ERFL: variants seen among roughly 807,000 people sequenced by gnomAD.
ERFL encodes the protein ETS domain-containing transcription factor ERF-like.
A neutral mutation model predicts 27.9 loss-of-function variants in ERFL; 8 were observed. The ratio of observed to expected loss-of-function variants is 0.29; its 90% CI spans 0.17 to 0.52. ERFL has a LOEUF of 0.52. Among genes scored for constraint, ERFL ranks in the 20% least tolerant of loss-of-function variants. The pLI is 0.97. For missense variants in ERFL, 294 were observed against 444.4 expected (o/e 0.66, Z 3.04); for synonymous variants, 174 against 202.8 (o/e 0.86, Z 1.21).
Position 41,907,955 on chromosome 19 carries a change from C to T in ERFL, c.*273G>A, listed in dbSNP as rs904722977. On this transcript the variant is annotated 3_prime_UTR_variant, in exon 6 of 6. Coordinates refer to ENST00000597630, the MANE Select transcript of ERFL (RefSeq NM_001365103.2). ...GGGTGGGCGGGCGGGGCAGGCTGGG[C>T]GCCATATTGCACTTTGGGAGTGGGG... is the stretch of plus-strand genomic sequence containing the variant. 30 of 375,282 alleles carry T rather than the reference C, an allele frequency of 8.0e-5. No homozygotes were observed. The highest frequency in any genetic ancestry group is 1.9e-4 in the African/African-American group (9 of 48,026). The allele number at this position is 375,282 out of a possible 1,614,324, so 23.2% of individuals were successfully genotyped here. A position where few individuals can be genotyped will look rare whatever the true frequency, so the allele number is the denominator to read the frequency against.
rs533941699 is a variant in ERFL, at chr19:41,921,064, C to T, written c.-14+6976G>A. ...TGTCAGTTGAGGGGTGGCGAGGGAGCGTCCCCGGGGAGGTGGGAGCCGCAG... is the reference window on the plus strand; with the variant it reads ...TGTCAGTTGAGGGGTGGCGAGGGAGTGTCCCCGGGGAGGTGGGAGCCGCAG... On this transcript the variant is annotated intron_variant, in intron 1 of 5. Transcript: ENST00000597630. The surrounding 1 kb of genome is among the most constrained non-coding windows in gnomAD (Gnocchi z 4.4). Among the ~76,000 whole-genome samples the T allele has an allele frequency of 5.3e-5, 8 of 152,264 alleles. No individual in the cohort carries two copies. The highest frequency in any genetic ancestry group is 1.7e-4 in the African/African-American group (7 of 41,560).
Position 41,916,804 on chromosome 19 carries a change from A to T in ERFL, c.-13-3872T>A, listed in dbSNP as rs1555851986. On this transcript the variant is annotated intron_variant, in intron 1 of 5. Coordinates refer to ENST00000597630, the MANE Select transcript of ERFL (RefSeq NM_001365103.2). This position sits in a 1 kb window ranked among gnomAD's most constrained non-coding sequence, Gnocchi z 5.4. ...CCCATTCACAGACACAGTCACAATCACACACACACACCAAGATCACGGACC... is the reference window on the plus strand; with the variant it reads ...CCCATTCACAGACACAGTCACAATCTCACACACACACCAAGATCACGGACC... 6.6e-6 allele frequency among the ~76,000 whole-genome samples: 1 copy of T among 151,632 alleles called. No homozygotes were observed. The highest frequency in any genetic ancestry group is 1.5e-5 in the Non-Finnish European group (1 of 67,928).
chr19:41,917,763 CAGT>C lies in ERFL; in HGVS notation c.-13-4834_-13-4832del, dbSNP rs144032698. On this transcript the variant is annotated intron_variant, in intron 1 of 5. Transcript: ENST00000597630. This position sits in a 1 kb window ranked among gnomAD's most constrained non-coding sequence, Gnocchi z 4.8. ...CCCATGTAGGACACATCTGTGCACA[CAGT>C]AGAGACCCACAGTGACACCCACTAG... Among the ~76,000 whole-genome samples, 805 of 152,068 alleles carry C rather than the reference CAGT, an allele frequency of 5.3e-3. 23 individuals are homozygous for C. The highest frequency in any genetic ancestry group is 0.03 in the East Asian group (155 of 5,170).
Position 41,921,205 on chromosome 19 carries a change from C to A in ERFL, c.-14+6835G>T, listed in dbSNP as rs2074840376. Among the ~76,000 whole-genome samples the A allele has an allele frequency of 2.0e-5, 3 of 152,140 alleles. No homozygotes were observed. The South Asian group carries it at 6.3e-4, about 32-fold the overall frequency. On this transcript the variant is annotated intron_variant, in intron 1 of 5. Coordinates refer to ENST00000597630, the MANE Select transcript of ERFL (RefSeq NM_001365103.2). This position sits in a 1 kb window ranked among gnomAD's most constrained non-coding sequence, Gnocchi z 4.4. Reference sequence around the variant, plus strand: ...TGCTCCCCAACCTCACTCGTGGACCCCGCCTCCCCTCAGAGACCCAGAGAG... The same window carrying A: ...TGCTCCCCAACCTCACTCGTGGACCACGCCTCCCCTCAGAGACCCAGAGAG...
In ERFL at chr19:41,908,112, T is replaced by C. The variant is rs2074728647; in HGVS notation, c.*116A>G. On this transcript the variant is annotated 3_prime_UTR_variant, in exon 6 of 6. Transcript: ENST00000597630. This position sits in a 1 kb window ranked among gnomAD's most constrained non-coding sequence, Gnocchi z 6.7. ...CTGGGGAAGGAGACTGGGGCAGCAA[T>C]GTGCCCAGACCTGGGAGGTGCTGAG... The C allele has an allele frequency of 2.6e-6, 2 of 779,346 alleles. No homozygotes were observed. Among genetic ancestry groups the C allele is most frequent in the East Asian group, 3.4e-5 (1 of 29,684 alleles). 48.3% of individuals were successfully genotyped at this position (779,346 alleles called of 1,614,324 possible). A position where few individuals can be genotyped will look rare whatever the true frequency, so the allele number is the denominator to read the frequency against.
In ERFL at chr19:41,916,417, TCACA is replaced by T. The variant is rs137911544; in HGVS notation, c.-13-3489_-13-3486del. Among the ~76,000 whole-genome samples the T allele has an allele frequency of 4.0e-5, 6 of 151,094 alleles. No homozygotes were observed. Among genetic ancestry groups the T allele is most frequent in the East Asian group, 2.0e-4 (1 of 5,110 alleles). On this transcript the variant is annotated intron_variant, in intron 1 of 5. Transcript: ENST00000597630. This position sits in a 1 kb window ranked among gnomAD's most constrained non-coding sequence, Gnocchi z 5.4. ...AAGTCACACACCAACACTGTCACAG[TCACA>T]CACACACACATCAGCATAGTCACAG...
rs1162398891 is a variant in ERFL, at chr19:41,908,204, C to T, written c.*24G>A. 1 of 1,231,634 alleles carries T rather than the reference C, an allele frequency of 8.1e-7. No homozygotes were observed. The highest frequency in any genetic ancestry group is 4.2e-5 in the Admixed American group (1 of 23,722). The allele number at this position is 1,231,634 out of a possible 1,614,324, so 76.3% of individuals were successfully genotyped here. On this transcript the variant is annotated 3_prime_UTR_variant, in exon 6 of 6. Coordinates refer to ENST00000597630, the MANE Select transcript of ERFL (RefSeq NM_001365103.2). The surrounding 1 kb of genome is among the most constrained non-coding windows in gnomAD (Gnocchi z 6.7). ...GCAGCCACCCTGGTCCCTGCCTCAG[C>T]AGAATCCATTGCCCCCTGCCGGCTC...
At chr19:41,911,248 G>C (rs1555851221) in intron 2 of ERFL, among the ~76,000 whole-genome samples, 1 of 152,196 alleles carries the variant, frequency 6.6e-6, no homozygotes, top group East Asian at 1.9e-4. Context: ...CTCCCATGCA[G>C]AAGGCCCCAA....
chr19:41,923,497 G>C (rs760672766), intron 1 of ERFL, among the ~76,000 whole-genome samples: 2 of 150,046 alleles, frequency 1.3e-5, no homozygotes, highest in Non-Finnish European at 3.0e-5. Flanking sequence ...CAGAGGAGTC[G>C]AGAGGCCAGA....
chr19:41,926,364 T>C (rs377457596), intron 1 of ERFL, among the ~76,000 whole-genome samples: 2 of 151,976 alleles, frequency 1.3e-5, no homozygotes, highest in African/African-American at 4.8e-5. Flanking sequence ...CAGGCAGGTA[T>C]GAGGAGATAG....
chr19:41,923,520 CAGAG>C (rs1460703540), intron 1 of ERFL, among the ~76,000 whole-genome samples: 2 of 148,450 alleles, frequency 1.3e-5, no homozygotes, highest in South Asian at 2.2e-4. Flanking sequence ...CCAAGAGAGA[CAGAG>C]AGACTCAGAA....
intron 1 of ERFL, among the ~76,000 whole-genome samples, chr19:41,919,935 C>T (rs2074828092): frequency 6.7e-6 from 1 of 150,260 alleles, no homozygotes; most frequent in South Asian, 2.3e-4. Context: ...CGCTCACAGA[C>T]ATGATACGCC....
chr19:41,918,698 G>T lies in ERFL; in HGVS notation c.-13-5766C>A, dbSNP rs576186801. Reference sequence around the variant, plus strand: ...GACACACCACACACACCACATATCCGCCACACACCACACACACCACGTACA... The same window carrying T: ...GACACACCACACACACCACATATCCTCCACACACCACACACACCACGTACA... On this transcript the variant is annotated intron_variant, in intron 1 of 5. Transcript: ENST00000597630. 3.2e-5 allele frequency among the ~76,000 whole-genome samples: 3 copies of T among 93,274 alleles called. No homozygotes were observed. In the East Asian group the frequency reaches 9.9e-4, roughly 31 times the overall value. The allele number at this position is 93,274 out of a possible 152,430, so 61.2% of individuals were successfully genotyped here. A position where few individuals can be genotyped will look rare whatever the true frequency, so the allele number is the denominator to read the frequency against.
chr19:41,918,497 AT>A (rs1490466700), intron 1 of ERFL, among the ~76,000 whole-genome samples: 6 of 142,786 alleles, frequency 4.2e-5, no homozygotes, highest in African/African-American at 1.6e-4. Flanking sequence ...CCACACACAC[AT>A]CACACACACA....
chr19:41,908,531 G>T lies in ERFL; in HGVS notation c.762C>A (p.Asn254Lys). Residue 254 changes from asparagine to lysine, a missense_variant, in exon 6 of 6, where the codon AAC (asparagine) becomes AAA (lysine). Physicochemically the swap from Asn to Lys is moderately conservative, Grantham distance 94 (BLOSUM62 0). Transcript: ENST00000597630. The surrounding 1 kb of genome is among the most constrained non-coding windows in gnomAD (Gnocchi z 6.7). ...GGTGGCCCAGGGAACTGGCCAGAGGGTTGGGGTAGAAATGCGGGGGGTAGA... is the reference window on the plus strand; with the variant it reads ...GGTGGCCCAGGGAACTGGCCAGAGGTTTGGGGTAGAAATGCGGGGGGTAGA... ...PSLYPPHFYP[N>K]PLASSLGHLP... The T allele has an allele frequency of 8.1e-7, 1 of 1,231,816 alleles. No individual in the cohort carries two copies. Among genetic ancestry groups the T allele is most frequent in the Non-Finnish European group, 1.0e-6 (1 of 988,066 alleles). The allele number at this position is 1,231,816 out of a possible 1,614,324, so 76.3% of individuals were successfully genotyped here.
intron 1 of ERFL, among the ~76,000 whole-genome samples, chr19:41,918,550 ACAC>A (rs1285609542): frequency 1.4e-5 from 2 of 145,672 alleles, no homozygotes; most frequent in African/African-American, 2.6e-5. Flanking sequence ...CCATACACAC[ACAC>A]ATCACTAACC....
rs1392564597 is a variant in ERFL at position 41,910,906 on chromosome 19, A to G, written c.68-809T>C. On this transcript the variant is annotated intron_variant, in intron 2 of 5. Coordinates refer to ENST00000597630, the MANE Select transcript of ERFL (RefSeq NM_001365103.2). This position sits in a 1 kb window ranked among gnomAD's most constrained non-coding sequence, Gnocchi z 4.4. ...GACTCAAGGTCACGTCATCTCAACA[A>G]CCCCACAGTGCACACCCATCACAAC... Among the ~76,000 whole-genome samples, 1 of 151,452 alleles carries G rather than the reference A, an allele frequency of 6.6e-6. No homozygotes were observed. The highest frequency in any genetic ancestry group is 1.5e-5 in the Non-Finnish European group (1 of 67,740).
chr19:41,909,801 G>A lies in ERFL; in HGVS notation c.302+62C>T, dbSNP rs1209334054. 3 of 1,489,854 alleles carry A rather than the reference G, an allele frequency of 2.0e-6. No homozygotes were observed. The highest frequency in any genetic ancestry group is 2.7e-6 in the Non-Finnish European group (3 of 1,109,536). 92.3% of individuals were successfully genotyped at this position (1,489,854 alleles called of 1,614,324 possible). A position where few individuals can be genotyped will look rare whatever the true frequency, so the allele number is the denominator to read the frequency against. On this transcript the variant is annotated intron_variant, in intron 3 of 5. Coordinates refer to ENST00000597630, the MANE Select transcript of ERFL (RefSeq NM_001365103.2). The surrounding 1 kb of genome is among the most constrained non-coding windows in gnomAD (Gnocchi z 5.2). ...GAACCTGCCCCAGGATGCAGAGGGG[G>A]CACCAGAGGGACAGTTGGGGGAAAA...
At chr19:41,920,989 C>G (rs2074838597) in intron 1 of ERFL, among the ~76,000 whole-genome samples, 1 of 152,194 alleles carries the variant, frequency 6.6e-6, no homozygotes, top group Non-Finnish European at 1.5e-5. Context: ...CCCTGAGTCT[C>G]AGTCTCCGCA....
Sources: gnomAD v4.1 joint callset for allele counts (sites outside exome capture counted in the v4.1 genomes callset) on GRCh38, gnomAD v4.1.1 for gene constraint, Gnocchi (gnomAD v3.1) non-coding constraint, MANE v1.5 for transcripts, NCBI Gene and HGNC (gene_info 2026-07-23, HGNC 2026-07-21) for gene names.